PAX5: variants seen among roughly 807,000 people sequenced by gnomAD.
PAX5 encodes the protein paired box 5, also known as paired box protein Pax-5.
A neutral mutation model predicts 43.7 loss-of-function variants in PAX5; 9 were observed. The observed-to-expected ratio is 0.21, with a 90% CI of 0.12 to 0.36. The LOEUF is 0.36. Ranked by LOEUF, PAX5 falls within the 10% of genes least tolerant of loss-of-function variation. PAX5 has a pLI of 1.00. For missense variants in PAX5, 383 were observed against 532.7 expected (o/e 0.72, Z 2.77); for synonymous variants, 228 against 214.3 (o/e 1.06, Z -0.56).
chr9:37,031,201 G>A (rs928569233), intron 1 of PAX5, among the ~76,000 whole-genome samples: 1 of 152,176 alleles, frequency 6.6e-6, no homozygotes, highest in Admixed American at 6.5e-5. Context: ...CTTAGTCGGG[G>A]TGTGTTATCA....
intron 7 of PAX5, 25 bp downstream of exon 7, chr9:36,923,330 T>A (rs1830334901): frequency 6.2e-7 from 1 of 1,601,468 alleles, no homozygotes; most frequent in Non-Finnish European, 8.5e-7. Flanking sequence ...CCCTCACTCA[T>A]CCCCCATGCC....
At chr9:36,926,839 C>T (rs755445722) in intron 6 of PAX5, among the ~76,000 whole-genome samples, 2 of 152,170 alleles carry the variant, frequency 1.3e-5, no homozygotes, top group Non-Finnish European at 2.9e-5. Flanking sequence ...TGACCCTCAC[C>T]CACAAACACC....
At chr9:37,006,589 G>T in intron 3 of PAX5, 52 bp from the exon 4 acceptor site, 4 of 1,425,496 alleles carry the variant, frequency 2.8e-6, no homozygotes, top group African/African-American at 1.4e-5. Context: ...AAGGAGAAGA[G>T]ACCTCAACCA....
At chr9:36,972,578 T>A (rs1482969994) in intron 5 of PAX5, among the ~76,000 whole-genome samples, 1 of 152,176 alleles carries the variant, frequency 6.6e-6, no homozygotes, top group Non-Finnish European at 1.5e-5. Context: ...GCTAAGAGAC[T>A]GCCTGAGCCA....
intron 8 of PAX5, chr9:36,861,032 G>A (rs1453762070): frequency 6.6e-6 from 1 of 152,476 alleles, no homozygotes; most frequent in African/African-American, 2.4e-5. Flanking sequence ...TCAGCAGGAG[G>A]GGAGGGGAGG....
chr9:37,031,230 G>C (rs1840948510), intron 1 of PAX5, among the ~76,000 whole-genome samples: 1 of 152,178 alleles, frequency 6.6e-6, no homozygotes, highest in Non-Finnish European at 1.5e-5. Context: ...ATGTCCTGCA[G>C]GCCAGGGGCG....
intron 7 of PAX5, among the ~76,000 whole-genome samples, chr9:36,913,730 C>T (rs1418559672): frequency 6.6e-6 from 1 of 152,190 alleles, no homozygotes; most frequent in Non-Finnish European, 1.5e-5. Flanking sequence ...CCCTGAGCAG[C>T]CCAGAGTGTG....
intron 5 of PAX5, among the ~76,000 whole-genome samples, chr9:37,002,381 G>T (rs1837955376): frequency 6.6e-6 from 1 of 152,198 alleles, no homozygotes; most frequent in Non-Finnish European, 1.5e-5. Flanking sequence ...GGCCACAAGG[G>T]CTCTGCCAGG....
chr9:36,995,092 C>T (rs1189624752), intron 5 of PAX5, among the ~76,000 whole-genome samples: 1 of 152,218 alleles, frequency 6.6e-6, no homozygotes, highest in Non-Finnish European at 1.5e-5. Flanking sequence ...CCTTGGAAAG[C>T]CCCAGCAGAG....
chr9:36,868,281 T>G lies in PAX5; in HGVS notation c.1012+13723A>C, dbSNP rs376667033. On this transcript the variant is annotated intron_variant, in intron 8 of 9. Coordinates refer to ENST00000358127, the MANE Select transcript of PAX5 (RefSeq NM_016734.3). ...AGATGGGGAGGGGCATGTGCTGTAT[T>G]CAGATAAATCCCACCCACAGCTACT... 2.0e-5 allele frequency among the ~76,000 whole-genome samples: 3 copies of G among 152,146 alleles called. No homozygotes were observed. The East Asian group carries it at 5.8e-4, about 29-fold the overall frequency.
intron 7 of PAX5, among the ~76,000 whole-genome samples, chr9:36,888,843 T>G (rs915606453): frequency 1.1e-4 from 17 of 151,910 alleles, no homozygotes; most frequent in Non-Finnish European, 2.9e-5. Flanking sequence ...TCACACAGGC[T>G]CCCCCGTTGC....
intron 7 of PAX5, among the ~76,000 whole-genome samples, chr9:36,917,022 T>C (rs375055701): frequency 3.9e-5 from 6 of 152,134 alleles, no homozygotes; most frequent in Non-Finnish European, 7.3e-5. Context: ...TGTTTACTTA[T>C]AAGAATATAT....
intron 5 of PAX5, among the ~76,000 whole-genome samples, chr9:36,971,100 G>A (rs907079234): frequency 1.3e-5 from 2 of 152,168 alleles, no homozygotes; most frequent in African/African-American, 4.8e-5. Context: ...GAGTGCTAAT[G>A]CCAGGGACAC....
chr9:37,031,667 A>T (rs12238090), intron 1 of PAX5, among the ~76,000 whole-genome samples: 6,222 of 152,116 alleles, frequency 0.041, 248 homozygotes, highest in African/African-American at 0.11. Flanking sequence ...TATGATCTCG[A>T]ACAAGTCCCT....
At chr9:36,869,527 T>C (rs925810228) in intron 8 of PAX5, among the ~76,000 whole-genome samples, 1 of 152,210 alleles carries the variant, frequency 6.6e-6, no homozygotes, top group African/African-American at 2.4e-5. Context: ...AAAAGCACCC[T>C]CAGACATGCC....
At chr9:37,032,142 G>C (rs1313708743) in intron 1 of PAX5, among the ~76,000 whole-genome samples, 1 of 152,168 alleles carries the variant, frequency 6.6e-6, no homozygotes, top group Non-Finnish European at 1.5e-5. Context: ...GGCCAGCCTA[G>C]GGCTCCCGTA....
At chr9:36,928,452 A>G (rs1830837435) in intron 6 of PAX5, among the ~76,000 whole-genome samples, 1 of 152,328 alleles carries the variant, frequency 6.6e-6, no homozygotes, top group South Asian at 2.1e-4. Context: ...CTTTTTGCAC[A>G]GACCTCCATT....
intron 6 of PAX5, among the ~76,000 whole-genome samples, chr9:36,952,890 A>C (rs1269299031): frequency 2.6e-5 from 4 of 152,220 alleles, no homozygotes; most frequent in African/African-American, 9.6e-5. Flanking sequence ...TTAAGAATAG[A>C]AAAATCAAAG....
intron 5 of PAX5, among the ~76,000 whole-genome samples, chr9:36,987,602 C>T (rs1392619218): frequency 6.6e-6 from 1 of 152,228 alleles, no homozygotes; most frequent in Non-Finnish European, 1.5e-5. Context: ...GCCTTGAAGG[C>T]CTTGAACGAG....
Sources: allele counts gnomAD v4.1 joint callset (sites outside exome capture counted in the v4.1 genomes callset), GRCh38; gene constraint gnomAD v4.1.1; transcripts MANE v1.5; gene names NCBI Gene and HGNC (gene_info 2026-07-23, HGNC 2026-07-21).